The following NXPE2 variants were observed in gnomAD, a reference collection of about 807,000 sequenced individuals.
NXPE2 encodes the protein NXPE family member 2.
In NXPE2, 34 loss-of-function variants were observed where a neutral mutation model predicts 34.4. That is an observed-to-expected ratio of 0.99 (90% CI 0.75 to 1.31). The LOEUF (loss-of-function observed/expected upper bound fraction) is 1.31. NXPE2 is among the 40% of genes most tolerant of loss of function. The pLI is 0.00. For synonymous variants in NXPE2, 235 were observed against 231.3 expected, an observed-to-expected ratio of 1.02 and a Z score of -0.15; for missense variants, 649 against 672.5, an observed-to-expected ratio of 0.97 and a Z score of 0.39.
In NXPE2 at chr11:114,698,711, A is replaced by C. The variant is rs1417592131; in HGVS notation, c.799A>C (p.Thr267Pro). 1 of 1,613,004 alleles carries C rather than the reference A, an allele frequency of 6.2e-7. No homozygotes were observed. Among genetic ancestry groups the C allele is most frequent in the Admixed American group, 1.7e-5 (1 of 59,876 alleles). Residue 267 changes from threonine to proline, a missense_variant, in exon 3 of 6, where the codon ACC (threonine) becomes CCC (proline). Transcript: ENST00000389586. ...TCAACATATGCCCTGTGAGGCCTTG[A>C]CCCACATGACCACTAGGACAAGAAA... ...RPQHMPCEAL[T>P]HMTTRTRNIS...
At chr11:114,632,271 A>C in the NXPE2 span, among the ~76,000 whole-genome samples, 4 of 139,070 alleles carry the variant, frequency 2.9e-5, no homozygotes, top group African/African-American at 1.0e-4. Context: ...ATATATATGT[A>C]TATATACTAT....
the NXPE2 span, among the ~76,000 whole-genome samples, chr11:114,561,712 T>C: frequency 8.5e-5 from 13 of 152,232 alleles, no homozygotes; most frequent in Non-Finnish European, 1.3e-4. Context: ...TGTGAATCTT[T>C]GTAGCATTTT....
chr11:114,755,924 A>C, the NXPE2 span, among the ~76,000 whole-genome samples: 6 of 152,198 alleles, frequency 3.9e-5, no homozygotes, highest in African/African-American at 1.4e-4. Flanking sequence ...CCTTCTCTAG[A>C]GTACTTCTCC....
At chr11:114,680,469 G>A (rs567357793) in intron 2 of NXPE2, among the ~76,000 whole-genome samples, 2 of 152,078 alleles carry the variant, frequency 1.3e-5, no homozygotes, top group African/African-American at 2.4e-5. Flanking sequence ...GTTAAAAAAA[G>A]CCTTCAGAGC....
chr11:114,751,307 C>G, the NXPE2 span, among the ~76,000 whole-genome samples: 7 of 152,280 alleles, frequency 4.6e-5, no homozygotes, highest in East Asian at 5.8e-4. Context: ...CTACAATACA[C>G]CATTCGTTGG....
the NXPE2 span, among the ~76,000 whole-genome samples, chr11:114,655,145 A>G: frequency 6.6e-6 from 1 of 152,080 alleles, no homozygotes; most frequent in Non-Finnish European, 1.5e-5. Context: ...GTCTGTTCAT[A>G]TCCTTTGCCT....
chr11:114,555,613 T>C, the NXPE2 span, among the ~76,000 whole-genome samples: 1 of 152,180 alleles, frequency 6.6e-6, no homozygotes, highest in African/African-American at 2.4e-5. Flanking sequence ...AGTAGAATAT[T>C]ACCACCACCC....
chr11:114,750,131 C>G, the NXPE2 span, among the ~76,000 whole-genome samples: 1 of 152,200 alleles, frequency 6.6e-6, no homozygotes, highest in Admixed American at 6.5e-5. Context: ...CCTCCACCTC[C>G]GCATCAGGTA....
At chr11:114,622,883 G>A in the NXPE2 span, among the ~76,000 whole-genome samples, 5 of 150,402 alleles carry the variant, frequency 3.3e-5, no homozygotes, top group Non-Finnish European at 7.4e-5. Context: ...TTGATAATAA[G>A]TATTGCCTCA....
chr11:114,575,068 A>G, the NXPE2 span, among the ~76,000 whole-genome samples: 1 of 152,174 alleles, frequency 6.6e-6, no homozygotes. Context: ...GATACACCAT[A>G]TAAATAGAAT....
the NXPE2 span, among the ~76,000 whole-genome samples, chr11:114,487,398 G>A: frequency 6.6e-6 from 1 of 152,128 alleles, no homozygotes; most frequent in Non-Finnish European, 1.5e-5. Flanking sequence ...ATTTGGTGGA[G>A]TCTTTAGGTT....
chr11:114,644,411 T>C, the NXPE2 span, among the ~76,000 whole-genome samples: 2 of 152,190 alleles, frequency 1.3e-5, no homozygotes, highest in African/African-American at 2.4e-5. Context: ...TTGCTCTTAT[T>C]ATTTTGAGAT....
At chr11:114,748,201 GA>G in the NXPE2 span, among the ~76,000 whole-genome samples, 1 of 151,944 alleles carries the variant, frequency 6.6e-6, no homozygotes, top group African/African-American at 2.4e-5. Context: ...TAACCTTACA[GA>G]AAATTTGCAG....
chr11:114,531,815 C>T, the NXPE2 span, among the ~76,000 whole-genome samples: 1 of 152,176 alleles, frequency 6.6e-6, no homozygotes, highest in Non-Finnish European at 1.5e-5. Flanking sequence ...GAAATCACTA[C>T]AACCTCAGAG....
chr11:114,667,056 T>C, the NXPE2 span, among the ~76,000 whole-genome samples: 1 of 152,134 alleles, frequency 6.6e-6, no homozygotes. Flanking sequence ...CTTGTATTCA[T>C]GCAACAAAAT....
the NXPE2 span, among the ~76,000 whole-genome samples, chr11:114,783,314 T>C: frequency 6.6e-6 from 1 of 152,200 alleles, no homozygotes; most frequent in Non-Finnish European, 1.5e-5. Flanking sequence ...TTTTCTACCA[T>C]CTGCTTCTCT....
At chr11:114,772,035 C>G in the NXPE2 span, among the ~76,000 whole-genome samples, 1 of 152,188 alleles carries the variant, frequency 6.6e-6, no homozygotes, top group Non-Finnish European at 1.5e-5. Flanking sequence ...TGTCCTTTAT[C>G]TTCGAAGACA....
At chr11:114,573,882 A>C in the NXPE2 span, among the ~76,000 whole-genome samples, 1 of 152,152 alleles carries the variant, frequency 6.6e-6, no homozygotes, top group Non-Finnish European at 1.5e-5. Context: ...TTTACAGAAC[A>C]TTCTACCCAA....
the NXPE2 span, among the ~76,000 whole-genome samples, chr11:114,755,018 T>A: frequency 6.6e-6 from 1 of 152,266 alleles, no homozygotes; most frequent in South Asian, 2.1e-4. Context: ...TCTATGAGAT[T>A]TTTGCAATGT....
Sources: allele counts gnomAD v4.1 joint callset (sites outside exome capture counted in the v4.1 genomes callset), GRCh38; gene constraint gnomAD v4.1.1; transcripts MANE v1.5; gene names NCBI Gene and HGNC (gene_info 2026-07-23, HGNC 2026-07-21).